The following SYNE2 variants were observed in gnomAD, a reference collection of about 807,000 sequenced individuals.
SYNE2 encodes the protein spectrin repeat containing nuclear envelope protein 2.
A neutral mutation model predicts 856.3 loss-of-function variants in SYNE2; 431 were observed. That is an observed-to-expected ratio of 0.50 (90% CI 0.47 to 0.55). The LOEUF is 0.55. Among genes scored for constraint, SYNE2 ranks in the 20% least tolerant of loss-of-function variants. The pLI is 0.00. For synonymous variants in SYNE2, 2,923 were observed against 2,872.3 expected (o/e 1.02, Z -0.56); for missense variants, 8,129 against 8,023.2 (o/e 1.01, Z -0.50).
At chr14:64,065,294 C>G in intron 50 of SYNE2, 138 bp from the exon 51 acceptor site, 1 of 775,862 alleles carries the variant, frequency 1.3e-6, no homozygotes, top group Non-Finnish European at 2.1e-6. Flanking sequence ...ATATTGACTT[C>G]TAAAAGGATA....
chr14:64,107,751 A>G (rs2097780771), intron 65 of SYNE2, 144 bp downstream of exon 65: 1 of 772,328 alleles, frequency 1.3e-6, no homozygotes, highest in Non-Finnish European at 2.3e-6. Flanking sequence ...TGTGCTGTCA[A>G]GCTGTAGAAC....
intron 1 of SYNE2, among the ~76,000 whole-genome samples, chr14:63,765,791 C>T (rs1012254071): frequency 6.9e-6 from 1 of 144,778 alleles, no homozygotes; most frequent in Middle Eastern, 3.4e-3. Flanking sequence ...AGGATTGCTG[C>T]GAAACATTAA....
chr14:64,222,480 G>A (rs140762007), intron 112 of SYNE2, among the ~76,000 whole-genome samples: 2,404 of 152,284 alleles, frequency 0.016, 75 homozygotes, highest in African/African-American at 0.055. Flanking sequence ...TGAGACGGGC[G>A]GATCGCCTGA....
At chr14:64,007,903 A>G (rs531753630) in intron 31 of SYNE2, among the ~76,000 whole-genome samples, 3 of 152,094 alleles carry the variant, frequency 2.0e-5, no homozygotes, top group Non-Finnish European at 4.4e-5. Context: ...CCAGCTACTC[A>G]GGAGGCTGAG....
At chr14:63,799,978 G>A (rs1337442862) in intron 1 of SYNE2, among the ~76,000 whole-genome samples, 2 of 152,142 alleles carry the variant, frequency 1.3e-5, no homozygotes, top group Admixed American at 1.3e-4. Context: ...CAGAATTGAA[G>A]ATTTGGCAAG....
intron 66 of SYNE2, among the ~76,000 whole-genome samples, chr14:64,114,931 T>G (rs1178948089): frequency 1.3e-5 from 2 of 152,176 alleles, no homozygotes; most frequent in African/African-American, 4.8e-5. Context: ...AAAAGTCAGT[T>G]CTAAAGGGAT....
At position 64,213,727 on chromosome 14, in the gene SYNE2, T is replaced by C. The variant is rs181902006; in HGVS notation, c.19057-467T>C. On this transcript the variant is annotated intron_variant, in intron 105 of 115. Coordinates refer to ENST00000555002, the MANE Select transcript of SYNE2 (RefSeq NM_182914.3). ...TTTTCTTAGACTGAAAGAGACGTTA[T>C]GACACAAGCAGAATACAGACACTGA... 2.7e-3 allele frequency among the ~76,000 whole-genome samples: 405 copies of C among 152,228 alleles called. 2 individuals carry two copies. The highest frequency in any genetic ancestry group is 9.3e-3 in the African/African-American group (386 of 41,536).
chr14:64,031,838 T>C (rs1054404772), intron 45 of SYNE2, among the ~76,000 whole-genome samples: 1 of 152,222 alleles, frequency 6.6e-6, no homozygotes, highest in Non-Finnish European at 1.5e-5. Context: ...ACATTTAGGC[T>C]CCTAGCTTTC....
chr14:63,849,749 G>T (rs1419734486), upstream of SYNE2, among the ~76,000 whole-genome samples: 1 of 152,188 alleles, frequency 6.6e-6, no homozygotes, highest in Non-Finnish European at 1.5e-5. Context: ...CTAACTTAGA[G>T]TGGTGAATTT....
chr14:64,006,952 A>T, intron 30 of SYNE2, 91 bp from the exon 31 acceptor site: 1 of 1,012,168 alleles, frequency 9.9e-7, no homozygotes, highest in Non-Finnish European at 1.6e-6. Flanking sequence ...AGGACAAATT[A>T]AAGTTAGTGT....
chr14:63,983,366 A>G (rs2096601152), intron 17 of SYNE2, among the ~76,000 whole-genome samples: 1 of 152,188 alleles, frequency 6.6e-6, no homozygotes, highest in Non-Finnish European at 1.5e-5. Flanking sequence ...TATATGCCTG[A>G]GAGATCTTTT....
intron 45 of SYNE2, among the ~76,000 whole-genome samples, chr14:64,032,559 C>T (rs2153547691): frequency 1.3e-5 from 1 of 76,832 alleles, no homozygotes; most frequent in Non-Finnish European, 2.8e-5. Flanking sequence ...GAGACCCTAT[C>T]TCTAATTTTG....
intron 32 of SYNE2, among the ~76,000 whole-genome samples, chr14:64,011,351 A>C (rs750120947): frequency 6.6e-6 from 1 of 152,156 alleles, no homozygotes; most frequent in African/African-American, 2.4e-5. Flanking sequence ...CCTCTGGTGG[A>C]GGCAGCTTTT....
intron 1 of SYNE2, among the ~76,000 whole-genome samples, chr14:63,806,779 C>A (rs372486665): frequency 3.3e-5 from 5 of 151,372 alleles, no homozygotes; most frequent in Admixed American, 6.6e-5. Flanking sequence ...GTTAATGTCT[C>A]CGTTGTCATT....
At chr14:63,788,244 C>G (rs1378143723) in intron 1 of SYNE2, among the ~76,000 whole-genome samples, 1 of 152,154 alleles carries the variant, frequency 6.6e-6, no homozygotes, top group Non-Finnish European at 1.5e-5. Context: ...GATGAGGAAG[C>G]CTTCCAGGGT....
chr14:64,215,373 A>G lies in SYNE2; in HGVS notation c.19402+19A>G, dbSNP rs754380486. The G allele has an allele frequency of 3.1e-6, 5 of 1,612,810 alleles. No individual in the cohort carries two copies. Among genetic ancestry groups the G allele is most frequent in the Admixed American group, 1.7e-5 (1 of 60,008 alleles). On this transcript the variant is annotated intron_variant, in intron 107 of 115. Coordinates refer to ENST00000555002, the MANE Select transcript of SYNE2 (RefSeq NM_182914.3). ...TCTTCTGGTAGGCCCCCGCCCATGC[A>G]TGTGTCAACATGGCAGCATCCTGTG...
At chr14:64,148,110 G>A (rs1241664978) in intron 84 of SYNE2, among the ~76,000 whole-genome samples, 4 of 152,080 alleles carry the variant, frequency 2.6e-5, no homozygotes, top group Non-Finnish European at 5.9e-5. Flanking sequence ...CCAGGAGCTC[G>A]AGACCAGCCT....
chr14:64,096,437 G>A (rs573046662), intron 61 of SYNE2, among the ~76,000 whole-genome samples: 3 of 152,286 alleles, frequency 2.0e-5, no homozygotes, highest in Admixed American at 1.3e-4. Context: ...TGTGGCCAGG[G>A]GTCTGCAGAT....
chr14:64,186,715 T>A, intron 97 of SYNE2, 136 bp downstream of exon 97: 1 of 1,142,164 alleles, frequency 8.8e-7, no homozygotes, highest in Non-Finnish European at 1.3e-6. Flanking sequence ...CGGCCGCTGC[T>A]CCTTTAGAAG....
Sources: allele counts gnomAD v4.1 joint callset (sites outside exome capture counted in the v4.1 genomes callset), GRCh38; gene constraint gnomAD v4.1.1; transcripts MANE v1.5; gene names NCBI Gene and HGNC (gene_info 2026-07-23, HGNC 2026-07-21).